SULF1: variants seen among roughly 807,000 people sequenced by gnomAD.
The protein encoded by SULF1 is sulfatase 1.
Under a neutral mutation model 110.5 loss-of-function variants are expected in SULF1, and 46 were observed. That is an observed-to-expected ratio of 0.42 (90% CI 0.33 to 0.53). The LOEUF (loss-of-function observed/expected upper bound fraction) is 0.53, where lower values mean the gene tolerates loss of function less well. SULF1 is among the 20% of genes least tolerant of loss of function. The pLI is 0.12. For missense variants in SULF1, 941 were observed against 1,094.2 expected (o/e 0.86, Z 1.98); for synonymous variants, 371 against 387.1 (o/e 0.96, Z 0.49).
At chr8:69,575,913 G>A (rs774871126) in intron 5 of SULF1, 57 bp from the exon 6 acceptor site, 10 of 1,582,328 alleles carry the variant, frequency 6.3e-6, no homozygotes, top group East Asian at 4.5e-5. Context: ...GGGCACAATC[G>A]AAATAGGCAT....
At chr8:69,514,390 A>T (rs925466565) in intron 3 of SULF1, among the ~76,000 whole-genome samples, 2 of 152,066 alleles carry the variant, frequency 1.3e-5, no homozygotes, top group Non-Finnish European at 2.9e-5. Flanking sequence ...ATCTCATGGG[A>T]ACTCACTCAT....
intron 3 of SULF1, among the ~76,000 whole-genome samples, chr8:69,552,243 T>G (rs903324380): frequency 1.3e-5 from 2 of 152,202 alleles, no homozygotes; most frequent in Non-Finnish European, 2.9e-5. Flanking sequence ...GTCCTTCTCT[T>G]GCGTAGCTCT....
At position 69,499,778 on chromosome 8, in the gene SULF1, C is replaced by T. The variant is rs1201963912; in HGVS notation, c.-228-2096C>T. On this transcript the variant is annotated intron_variant, in intron 2 of 22. Transcript: ENST00000402687. ...TATTATTTATTTTTTTAAAGACATT[C>T]TAGCTCTGTTTCCTAGACTGGAGAG... Among the ~76,000 whole-genome samples, 3 of 152,066 alleles carry T rather than the reference C, an allele frequency of 2.0e-5. No individual in the cohort carries two copies. In the East Asian group the frequency reaches 5.8e-4, roughly 29 times the overall value.
At chr8:69,558,929 A>T (rs190300283) in intron 3 of SULF1, among the ~76,000 whole-genome samples, 2,393 of 152,092 alleles carry the variant, frequency 0.016, 17 homozygotes, top group Non-Finnish European at 0.02. Context: ...ATATTTTATT[A>T]AAAAAAACTA....
rs561060838 is a variant in SULF1, at chr8:69,545,012, GA to G, written c.-133-18525del. On this transcript the variant is annotated intron_variant, in intron 3 of 22. Coordinates refer to ENST00000402687, the MANE Select transcript of SULF1 (RefSeq NM_001128205.2). ...CTTTTCATTGTTGTTGTTTTTTAAA[GA>G]AGCTAAAGAGCAATTCATGGCATAA... Among the ~76,000 whole-genome samples the G allele has an allele frequency of 3.8e-3, 577 of 151,562 alleles. 6 individuals are homozygous for G. Among genetic ancestry groups the G allele is most frequent in the African/African-American group, 0.013 (541 of 41,390 alleles).
At chr8:69,619,201 G>C (rs1395430738) in intron 13 of SULF1, among the ~76,000 whole-genome samples, 1 of 152,014 alleles carries the variant, frequency 6.6e-6, no homozygotes, top group East Asian at 1.9e-4. Context: ...TCTTTAACTA[G>C]ATATGAACAA....
intron 3 of SULF1, among the ~76,000 whole-genome samples, chr8:69,533,885 T>G (rs955293116): frequency 1.3e-5 from 2 of 152,194 alleles, no homozygotes; most frequent in South Asian, 4.1e-4. Flanking sequence ...AATCAAAGAC[T>G]TGTAGAGAAT....
rs765404290 is a variant in SULF1, at chr8:69,629,549, G to T, written c.2154G>T (p.Glu718Asp). The T allele has an allele frequency of 1.1e-5, 18 of 1,613,868 alleles. No individual in the cohort carries two copies. The highest frequency in any genetic ancestry group is 3.3e-5 in the Admixed American group (2 of 59,980). ...ATAGCAAACTGCAACTTTTCAAGGA[G>T]AACAACCGTAGGAGGAAGAAGGAGA... The part of the protein sequence containing the change: ...EVDSKLQLFK[E>D]NNRRRKKERK... Residue 718 changes from glutamate to aspartate, a missense_variant, in exon 19 of 23, where the codon GAG (glutamate) becomes GAT (aspartate). Coordinates refer to ENST00000402687, the MANE Select transcript of SULF1 (RefSeq NM_001128205.2).
chr8:69,488,262 T>C (rs1809782442), upstream of SULF1, among the ~76,000 whole-genome samples: 1 of 152,232 alleles, frequency 6.6e-6, no homozygotes, highest in Non-Finnish European at 1.5e-5. Context: ...CCTGTGGAGA[T>C]GAGAAAAAAT....
intron 3 of SULF1, among the ~76,000 whole-genome samples, chr8:69,527,823 C>A (rs1812802059): frequency 6.6e-6 from 1 of 152,046 alleles, no homozygotes; most frequent in East Asian, 1.9e-4. Context: ...AGGGAAAATG[C>A]ATGATGAAAA....
At position 69,624,150 on chromosome 8, in the gene SULF1, TAGC is replaced by T; in HGVS notation, c.1808_1810del (p.Ser603del). The T allele has an allele frequency of 6.2e-7, 1 of 1,611,248 alleles. No homozygotes were observed. The highest frequency in any genetic ancestry group is 1.1e-5 in the South Asian group (1 of 90,820). ...GCAACAGGGGCAGGATGCTGGCAGATAGCAGCAACGCCGTGGGCCCACCTACCA... is the reference window on the plus strand; with the variant it reads ...GCAACAGGGGCAGGATGCTGGCAGATAGCAACGCCGTGGGCCCACCTACCA... On this transcript the variant is annotated inframe_deletion, in exon 15 of 23. Transcript: ENST00000402687.
chr8:69,638,766 G>A lies in SULF1; in HGVS notation c.2459G>A (p.Gly820Asp). The A allele has an allele frequency of 6.2e-7, 1 of 1,614,110 alleles. No individual in the cohort carries two copies. Residue 820 changes from glycine (G) to aspartate (D), a missense_variant, in exon 21 of 23, where the codon GGC (glycine) becomes GAC (aspartate). Around this residue, in one of 3 missense-constraint regions of SULF1, gnomAD observed 112 missense variants for 133.5 expected, o/e 0.84. Coordinates refer to ENST00000402687, the MANE Select transcript of SULF1 (RefSeq NM_001128205.2). ...LTNTVHTVER[G>D]ILNQLHVQLM... ...AATACAGTGCACACGGTAGAACGAG[G>A]CATTTTGAATCAGCTACACGTACAA...
At chr8:69,628,011 A>G in intron 17 of SULF1, 145 bp downstream of exon 17, 1 of 877,384 alleles carries the variant, frequency 1.1e-6, no homozygotes. Flanking sequence ...GTAAAACTAA[A>G]TATGCTTAAA....
At chr8:69,470,439 C>T (rs1809033958) in intron 1 of SULF1, among the ~76,000 whole-genome samples, 1 of 152,096 alleles carries the variant, frequency 6.6e-6, no homozygotes, top group African/African-American at 2.4e-5. Flanking sequence ...ATCTTAATAT[C>T]CTGAGGAGGT....
chr8:69,535,954 G>T (rs1489710262), intron 3 of SULF1, among the ~76,000 whole-genome samples: 1 of 151,646 alleles, frequency 6.6e-6, no homozygotes, highest in Non-Finnish European at 1.5e-5. Context: ...GGAGGCAGAG[G>T]TTGCAGTGAG....
At chr8:69,603,550 T>A in intron 11 of SULF1, 50 bp from the exon 12 acceptor site, 1 of 1,498,168 alleles carries the variant, frequency 6.7e-7, no homozygotes, top group Non-Finnish European at 9.3e-7. Context: ...ACAGATCCAT[T>A]TGGAAAAACG....
chr8:69,599,721 C>A (rs1384867488), intron 8 of SULF1, among the ~76,000 whole-genome samples: 1 of 152,078 alleles, frequency 6.6e-6, no homozygotes, highest in African/African-American at 2.4e-5. Flanking sequence ...ATAAATAATT[C>A]TCAGGGTGAG....
intron 3 of SULF1, among the ~76,000 whole-genome samples, chr8:69,510,782 A>G (rs986852384): frequency 1.3e-5 from 2 of 151,878 alleles, no homozygotes; most frequent in South Asian, 2.1e-4. Context: ...ATGCCTGGCT[A>G]ATTTTTATAT....
chr8:69,633,435 T>A (rs998641529), intron 19 of SULF1, among the ~76,000 whole-genome samples: 4 of 151,748 alleles, frequency 2.6e-5, no homozygotes, highest in Non-Finnish European at 5.9e-5. Context: ...TTCAAGTGAT[T>A]CTCTTGCCTC....
Sources: allele counts gnomAD v4.1 joint callset (sites outside exome capture counted in the v4.1 genomes callset), GRCh38; gene constraint gnomAD v4.1.1; regional missense constraint gnomAD v4.1.1; transcripts MANE v1.5; gene names NCBI Gene and HGNC (gene_info 2026-07-23, HGNC 2026-07-21).